SORCS3: variants seen among roughly 807,000 people sequenced by gnomAD.
SORCS3 encodes the protein VPS10 domain-containing receptor SorCS3.
In SORCS3, 57 loss-of-function variants were observed where a neutral mutation model predicts 146.3. The ratio of observed to expected loss-of-function variants is 0.39; its 90% CI spans 0.31 to 0.49. SORCS3 has a LOEUF of 0.49. SORCS3 is among the 20% of genes least tolerant of loss of function. The pLI is 0.92. For synonymous variants in SORCS3, 653 were observed against 618.5 expected, an observed-to-expected ratio of 1.06 and a Z score of -0.83; for missense variants, 1,341 against 1,575.5, an observed-to-expected ratio of 0.85 and a Z score of 2.52.
chr10:105,050,256 G>C (rs1447956120), intron 5 of SORCS3, among the ~76,000 whole-genome samples: 2 of 152,032 alleles, frequency 1.3e-5, no homozygotes, highest in African/African-American at 2.4e-5. Context: ...TTCTCTTCTT[G>C]AGTATAGACT....
intron 3 of SORCS3, among the ~76,000 whole-genome samples, chr10:104,969,989 T>C (rs2054850421): frequency 6.6e-6 from 1 of 152,338 alleles, no homozygotes; most frequent in East Asian, 1.9e-4. Context: ...GTTGGTCTTA[T>C]CTTCTAATTA....
At chr10:104,943,421 C>T (rs147863682) in intron 3 of SORCS3, among the ~76,000 whole-genome samples, 82 of 152,146 alleles carry the variant, frequency 5.4e-4, no homozygotes, top group African/African-American at 1.9e-3. Context: ...CCACTGTGCC[C>T]GGCCAAATGT....
chr10:104,673,373 G>C (rs2015877180), intron 1 of SORCS3, among the ~76,000 whole-genome samples: 1 of 151,464 alleles, frequency 6.6e-6, no homozygotes, highest in Non-Finnish European at 1.5e-5. Context: ...TGTGTGTTTA[G>C]TTGATATTTT....
At chr10:105,129,016 A>C (rs1188423764) in intron 7 of SORCS3, among the ~76,000 whole-genome samples, 2 of 152,138 alleles carry the variant, frequency 1.3e-5, no homozygotes, top group Admixed American at 1.3e-4. Context: ...CTGAAAATAA[A>C]ATCACAGATG....
At chr10:104,969,790 C>T (rs1238154105) in intron 3 of SORCS3, among the ~76,000 whole-genome samples, 1 of 152,146 alleles carries the variant, frequency 6.6e-6, no homozygotes, top group African/African-American at 2.4e-5. Flanking sequence ...TATGTGTGCT[C>T]ACACGTATGT....
intron 1 of SORCS3, among the ~76,000 whole-genome samples, chr10:104,695,711 C>T (rs2016166209): frequency 1.3e-5 from 2 of 151,626 alleles, no homozygotes; most frequent in African/African-American, 2.4e-5. Flanking sequence ...ATCATGCATT[C>T]TACTGTGTAA....
At chr10:104,880,742 C>G (rs1206033317) in intron 2 of SORCS3, among the ~76,000 whole-genome samples, 2 of 152,176 alleles carry the variant, frequency 1.3e-5, no homozygotes, top group African/African-American at 4.8e-5. Context: ...TTTCCCTCAT[C>G]CTGACCCCCT....
chr10:105,010,540 T>A (rs2055128715), intron 4 of SORCS3, among the ~76,000 whole-genome samples: 1 of 152,246 alleles, frequency 6.6e-6, no homozygotes, highest in Non-Finnish European at 1.5e-5. Context: ...AGCTTTAAGT[T>A]GTGCTCTAGC....
At chr10:104,739,164 G>C (rs1238811560) in intron 1 of SORCS3, among the ~76,000 whole-genome samples, 1 of 152,162 alleles carries the variant, frequency 6.6e-6, no homozygotes, top group Non-Finnish European at 1.5e-5. Context: ...AGCTGCCTCA[G>C]GGCCATGCTG....
intron 7 of SORCS3, among the ~76,000 whole-genome samples, chr10:105,107,046 C>T (rs143753989): frequency 1.0e-3 from 152 of 152,276 alleles, no homozygotes; most frequent in Non-Finnish European, 1.9e-3. Context: ...TCATGTACTG[C>T]AGCCTTCCAT....
intron 5 of SORCS3, among the ~76,000 whole-genome samples, chr10:105,051,449 T>A (rs2055412242): frequency 6.6e-6 from 1 of 152,130 alleles, no homozygotes; most frequent in African/African-American, 2.4e-5. Context: ...TCCTATAATT[T>A]GCTTCAAAAG....
chr10:104,684,246 G>A (rs1012084302), intron 1 of SORCS3, among the ~76,000 whole-genome samples: 9 of 152,212 alleles, frequency 5.9e-5, no homozygotes, highest in Admixed American at 2.6e-4. Context: ...GGGTGGCTGC[G>A]AGGATTAAAG....
intron 22 of SORCS3, among the ~76,000 whole-genome samples, chr10:105,250,186 C>T (rs1159172104): frequency 6.6e-6 from 1 of 152,044 alleles, no homozygotes; most frequent in East Asian, 1.9e-4. Context: ...TAATCCCATT[C>T]ATGAGGGCTC....
In SORCS3 at chr10:104,671,325, C is replaced by CTTTTTTTTTTTT. The variant is rs771029154; in HGVS notation, c.627+29387_627+29398dup. Among the ~76,000 whole-genome samples, 136 of 19,198 alleles carry CTTTTTTTTTTTT rather than the reference C, an allele frequency of 7.1e-3. 54 individuals carry two copies. The highest frequency in any genetic ancestry group is 0.01 in the African/African-American group (55 of 5,276). 12.6% of individuals were successfully genotyped at this position (19,198 alleles called of 152,430 possible). ...ATGTTAAGGTAGTTTCATTCTTTTCCTTTTTTTTTTTTTTTTTTTTTTTTT... is the reference window on the plus strand; with the variant it reads ...ATGTTAAGGTAGTTTCATTCTTTTCCTTTTTTTTTTTTTTTTTTTTTTTTTTTTTTTTTTTTT... On this transcript the variant is annotated intron_variant, in intron 1 of 26. Coordinates refer to ENST00000369701, the MANE Select transcript of SORCS3 (RefSeq NM_014978.3).
At chr10:104,935,531 GA>G (rs1388079073) in intron 3 of SORCS3, among the ~76,000 whole-genome samples, 4 of 152,096 alleles carry the variant, frequency 2.6e-5, no homozygotes, top group South Asian at 2.1e-4. Context: ...TAGTTGGAGT[GA>G]AAAAAATTCA....
At chr10:105,165,616 T>A (rs1462904012) in intron 12 of SORCS3, among the ~76,000 whole-genome samples, 1 of 152,138 alleles carries the variant, frequency 6.6e-6, no homozygotes, top group Non-Finnish European at 1.5e-5. Flanking sequence ...ATCAGGTGGC[T>A]GGGGAGCAGA....
At chr10:105,005,893 C>G (rs919314812) in intron 4 of SORCS3, among the ~76,000 whole-genome samples, 5 of 152,064 alleles carry the variant, frequency 3.3e-5, no homozygotes, top group African/African-American at 4.8e-5. Flanking sequence ...AATTTAGCAC[C>G]GGGTTTCTAT....
At chr10:104,815,562 C>A (rs1037837462) in intron 1 of SORCS3, among the ~76,000 whole-genome samples, 3 of 151,820 alleles carry the variant, frequency 2.0e-5, no homozygotes, top group Admixed American at 6.6e-5. Flanking sequence ...TCACCACACT[C>A]CTAATTATTC....
intron 1 of SORCS3, among the ~76,000 whole-genome samples, chr10:104,683,987 T>C (rs1012465113): frequency 6.6e-6 from 1 of 152,192 alleles, no homozygotes; most frequent in African/African-American, 2.4e-5. Context: ...GAAAGCTCTA[T>C]AGTAACAGAG....
Sources: gnomAD v4.1 joint callset for allele counts (sites outside exome capture counted in the v4.1 genomes callset) on GRCh38, gnomAD v4.1.1 for gene constraint, MANE v1.5 for transcripts, NCBI Gene and HGNC (gene_info 2026-07-23, HGNC 2026-07-21) for gene names.